The following TPST1 variants were observed in gnomAD, a reference collection of about 807,000 sequenced individuals.
The protein encoded by TPST1 is tyrosylprotein sulfotransferase 1, also known as protein-tyrosine sulfotransferase 1.
Under a neutral mutation model 34.8 loss-of-function variants are expected in TPST1, and 20 were observed. The ratio of observed to expected loss-of-function variants is 0.57; its 90% CI spans 0.40 to 0.84. The LOEUF is 0.84. Among genes scored for constraint, TPST1 ranks in the 40% least tolerant of loss-of-function variants. TPST1 has a pLI of 0.00. For synonymous variants in TPST1, 152 were observed against 159.4 expected (o/e 0.95, Z 0.35); for missense variants, 353 against 455.5 (o/e 0.78, Z 2.05).
At chr7:66,232,369 A>AT (rs1482352735) in intron 1 of TPST1, among the ~76,000 whole-genome samples, 1 of 151,044 alleles carries the variant, frequency 6.6e-6, no homozygotes, top group African/African-American at 2.4e-5. Flanking sequence ...TGCCTGATTA[A>AT]TTTTTTGTTT....
chr7:66,257,369 A>G (rs1391194201), intron 2 of TPST1, among the ~76,000 whole-genome samples: 1 of 152,198 alleles, frequency 6.6e-6, no homozygotes, highest in Non-Finnish European at 1.5e-5. Context: ...ATTCCTGTTT[A>G]AAGGAGGGAA....
intron 3 of TPST1, among the ~76,000 whole-genome samples, chr7:66,310,538 C>T (rs775691846): frequency 1.3e-5 from 2 of 152,106 alleles, no homozygotes; most frequent in Non-Finnish European, 2.9e-5. Context: ...GGGAATAAAG[C>T]CAACCCATCG....
At chr7:66,340,414 T>G (rs749523248) in intron 3 of TPST1, among the ~76,000 whole-genome samples, 2 of 152,018 alleles carry the variant, frequency 1.3e-5, no homozygotes, top group Non-Finnish European at 2.9e-5. Context: ...GAGAAAGAAA[T>G]AAAGGGTACC....
chr7:66,240,696 G>A lies in TPST1; in HGVS notation c.271G>A (p.Ala91Thr), dbSNP rs769014115. ...CACACTCATGAGGGCCATGCTGGACGCACATCCTGACATTCGCTGTGGAGA... is the reference window on the plus strand; with the variant it reads ...CACACTCATGAGGGCCATGCTGGACACACATCCTGACATTCGCTGTGGAGA... ...GTTLMRAMLD[A>T]HPDIRCGEET... The change falls in exon 2 of 6, where the codon GCA becomes ACA. Residue 91 changes from alanine (A) to threonine (T), a missense_variant. Ala to Thr is a moderately conservative substitution (Grantham distance 58). Transcript: ENST00000304842. 14 of 1,614,026 alleles carry A rather than the reference G, an allele frequency of 8.7e-6. No homozygotes were observed. The highest frequency in any genetic ancestry group is 5.9e-6 in the Non-Finnish European group (7 of 1,180,048).
intron 1 of TPST1, among the ~76,000 whole-genome samples, chr7:66,212,246 A>G (rs141570590): frequency 2.6e-5 from 4 of 152,318 alleles, no homozygotes; most frequent in African/African-American, 9.6e-5. Context: ...TGTCAATTTG[A>G]TAAAAGATCT....
intron 3 of TPST1, among the ~76,000 whole-genome samples, chr7:66,333,388 T>G (rs544316415): frequency 6.6e-6 from 1 of 152,278 alleles, no homozygotes; most frequent in South Asian, 2.1e-4. Flanking sequence ...TTCTTTTAGG[T>G]CTTATGTAGT....
chr7:66,264,575 A>G (rs928920284), intron 2 of TPST1, among the ~76,000 whole-genome samples: 2 of 152,220 alleles, frequency 1.3e-5, no homozygotes, highest in Non-Finnish European at 2.9e-5. Context: ...CTAACAGAAT[A>G]GAGACTCCAG....
chr7:66,326,173 T>C (rs1191643666), intron 3 of TPST1, among the ~76,000 whole-genome samples: 1 of 152,214 alleles, frequency 6.6e-6, no homozygotes, highest in African/African-American at 2.4e-5. Context: ...TCTTACGCTT[T>C]TATTCTTCTT....
At chr7:66,309,525 G>A (rs749972461) in intron 3 of TPST1, among the ~76,000 whole-genome samples, 8 of 152,196 alleles carry the variant, frequency 5.3e-5, no homozygotes, top group Middle Eastern at 3.4e-3. Flanking sequence ...ACAGCAGGTT[G>A]GTTCAGGAGT....
chr7:66,262,379 G>A (rs1290011830), intron 2 of TPST1, among the ~76,000 whole-genome samples: 1 of 152,228 alleles, frequency 6.6e-6, no homozygotes, highest in African/African-American at 2.4e-5. Context: ...TGCCTTTTAT[G>A]CCTTGTGGGA....
chr7:66,249,016 C>T (rs1218489201), intron 2 of TPST1, among the ~76,000 whole-genome samples: 3 of 152,030 alleles, frequency 2.0e-5, no homozygotes, highest in Admixed American at 1.3e-4. Context: ...ACCTTGTGTC[C>T]TCACATGGTA....
At chr7:66,230,464 G>C (rs573102322) in intron 1 of TPST1, among the ~76,000 whole-genome samples, 10 of 152,254 alleles carry the variant, frequency 6.6e-5, no homozygotes, top group Admixed American at 3.3e-4. Flanking sequence ...GCTGTGTTCG[G>C]AGTTTCTTCC....
At chr7:66,305,247 C>T (rs1791398912) in intron 3 of TPST1, among the ~76,000 whole-genome samples, 1 of 152,174 alleles carries the variant, frequency 6.6e-6, no homozygotes, top group Admixed American at 6.5e-5. Flanking sequence ...TTGTAGTTCT[C>T]ATTTTCTGTA....
At chr7:66,206,108 A>T (rs78802849) in intron 1 of TPST1, among the ~76,000 whole-genome samples, 2,301 of 143,346 alleles carry the variant, frequency 0.016, 55 homozygotes, top group East Asian at 0.094. Flanking sequence ...ACTCTCTGCA[A>T]TGCCGGATTC....
At chr7:66,212,099 G>C (rs918405510) in intron 1 of TPST1, among the ~76,000 whole-genome samples, 2 of 152,100 alleles carry the variant, frequency 1.3e-5, no homozygotes, top group South Asian at 2.1e-4. Flanking sequence ...GTTTATTCAG[G>C]CTTTGTCTTT....
In TPST1 at chr7:66,205,813, C is replaced by T. The variant is rs942507964; in HGVS notation, c.-102+291C>T. On this transcript the variant is annotated intron_variant, in intron 1 of 5. Transcript: ENST00000304842. This position sits in a 1 kb window ranked among gnomAD's most constrained non-coding sequence, Gnocchi z 5.0. ...TCGCAGCCCTGGGACCACGTCCTAG[C>T]CCCGCAGTCCCCTGGGATGAGACCC... The T allele has an allele frequency of 6.6e-6, 1 of 152,364 alleles. No individual in the cohort carries two copies. The highest frequency in any genetic ancestry group is 2.4e-5 in the African/African-American group (1 of 41,434). The allele number at this position is 152,364 out of a possible 1,614,324, so 9.4% of individuals were successfully genotyped here. A position where few individuals can be genotyped will look rare whatever the true frequency, so the allele number is the denominator to read the frequency against.
intron 2 of TPST1, among the ~76,000 whole-genome samples, chr7:66,279,640 A>T (rs1790893003): frequency 6.6e-6 from 1 of 152,216 alleles, no homozygotes; most frequent in Non-Finnish European, 1.5e-5. Flanking sequence ...CAGCTCATAG[A>T]TCAGAAACGG....
chr7:66,321,098 A>T (rs1239041396), intron 3 of TPST1, among the ~76,000 whole-genome samples: 1 of 152,224 alleles, frequency 6.6e-6, no homozygotes, highest in African/African-American at 2.4e-5. Flanking sequence ...TATGATTATG[A>T]TTATAGTTGA....
intron 2 of TPST1, among the ~76,000 whole-genome samples, chr7:66,285,503 G>A (rs764593717): frequency 1.1e-4 from 17 of 152,146 alleles, no homozygotes; most frequent in Non-Finnish European, 2.5e-4. Flanking sequence ...GCCCAGGGAA[G>A]AGGCATTGTT....
Sources: allele counts gnomAD v4.1 joint callset (sites outside exome capture counted in the v4.1 genomes callset), GRCh38; gene constraint gnomAD v4.1.1; non-coding constraint Gnocchi (gnomAD v3.1); transcripts MANE v1.5; gene names NCBI Gene and HGNC (gene_info 2026-07-23, HGNC 2026-07-21).